GRAMD1B: variants seen among roughly 807,000 people sequenced by gnomAD.
The protein encoded by GRAMD1B is GRAM domain containing 1B.
Under a neutral mutation model 99.7 loss-of-function variants are expected in GRAMD1B, and 37 were observed. That is an observed-to-expected ratio of 0.37 (90% CI 0.29 to 0.49). The LOEUF (loss-of-function observed/expected upper bound fraction) is 0.49. Among genes scored for constraint, GRAMD1B ranks in the 20% least tolerant of loss-of-function variants. The probability of loss-of-function intolerance (pLI) is 0.98; values close to 1 mark genes in which losing one functional copy is unlikely to be tolerated. For missense variants in GRAMD1B, 888 were observed against 1,009.2 expected (o/e 0.88, Z 1.63); for synonymous variants, 427 against 387.6 (o/e 1.10, Z -1.19).
Position 123,511,264 on chromosome 11 carries a change from C to T in GRAMD1B, c.452+30371C>T, listed in dbSNP as rs540195101. On this transcript the variant is annotated intron_variant, in intron 2 of 19. Transcript: ENST00000635736. ...AGACTGCCTCTCATCCTGCAGCAGA[C>T]GTTGGCCTTGGGATTGGAGAGGAGT... Among the ~76,000 whole-genome samples the T allele has an allele frequency of 1.8e-4, 27 of 152,282 alleles. No individual in the cohort carries two copies. In the South Asian group the frequency reaches 5.4e-3, roughly 30 times the overall value.
intron 1 of GRAMD1B, among the ~76,000 whole-genome samples, chr11:123,452,480 T>C (rs1949931946): frequency 6.6e-6 from 1 of 152,070 alleles, no homozygotes; most frequent in African/African-American, 2.4e-5. Flanking sequence ...ACCCTGTCTC[T>C]ACTAAAAATA....
intron 1 of GRAMD1B, among the ~76,000 whole-genome samples, chr11:123,386,388 C>T (rs1947057997): frequency 6.6e-6 from 1 of 151,850 alleles, no homozygotes; most frequent in African/African-American, 2.4e-5. Flanking sequence ...CAATCTCTTC[C>T]ATCCCCGGAT....
chr11:123,376,271 A>G (rs1379040446), intron 1 of GRAMD1B, among the ~76,000 whole-genome samples: 2 of 152,208 alleles, frequency 1.3e-5, no homozygotes, highest in Non-Finnish European at 2.9e-5. Context: ...AGTTTTTAGC[A>G]TGGAAATAAT....
intron 1 of GRAMD1B, among the ~76,000 whole-genome samples, chr11:123,463,687 T>G (rs1225816019): frequency 6.6e-6 from 1 of 152,152 alleles, no homozygotes; most frequent in Non-Finnish European, 1.5e-5. Flanking sequence ...AATATTTGAA[T>G]GCACCAAGGG....
At chr11:123,407,445 G>A (rs1375212245) in intron 1 of GRAMD1B, among the ~76,000 whole-genome samples, 11 of 152,176 alleles carry the variant, frequency 7.2e-5, no homozygotes. Flanking sequence ...ACAGACCCAG[G>A]ACTCTCTTGT....
intron 1 of GRAMD1B, among the ~76,000 whole-genome samples, chr11:123,434,782 C>T (rs1395166599): frequency 1.3e-5 from 2 of 152,182 alleles, no homozygotes; most frequent in African/African-American, 4.8e-5. Context: ...AGCAAGACTC[C>T]ATTTCCAAAA....
At chr11:123,596,118 T>C in intron 7 of GRAMD1B, 81 bp downstream of exon 7, 1 of 777,312 alleles carries the variant, frequency 1.3e-6, no homozygotes, top group Admixed American at 2.4e-5. Context: ...TTGAATCGCA[T>C]GAATGTGGAA....
chr11:123,394,974 G>A (rs1184862844), intron 1 of GRAMD1B, among the ~76,000 whole-genome samples: 1 of 152,172 alleles, frequency 6.6e-6, no homozygotes, highest in Non-Finnish European at 1.5e-5. Context: ...CCATGGTGGG[G>A]AGCCCTCATG....
intron 1 of GRAMD1B, among the ~76,000 whole-genome samples, chr11:123,477,684 C>G (rs1040123697): frequency 7.4e-6 from 1 of 135,146 alleles, no homozygotes; most frequent in African/African-American, 2.7e-5. Flanking sequence ...CCTTCTCCTT[C>G]TCCCTTCCTT....
chr11:123,495,956 A>G (rs1939204435), intron 2 of GRAMD1B, among the ~76,000 whole-genome samples: 1 of 152,130 alleles, frequency 6.6e-6, no homozygotes, highest in Admixed American at 6.5e-5. Flanking sequence ...TGATTGGTTC[A>G]TCATTTAGTC....
At chr11:123,373,295 G>A (rs543961306) in intron 1 of GRAMD1B, among the ~76,000 whole-genome samples, 2 of 152,300 alleles carry the variant, frequency 1.3e-5, no homozygotes, top group African/African-American at 4.8e-5. Flanking sequence ...TGGGGGTGTA[G>A]ATGAGATTTA....
intron 2 of GRAMD1B, among the ~76,000 whole-genome samples, chr11:123,554,880 A>G (rs1238008016): frequency 6.6e-6 from 1 of 152,254 alleles, no homozygotes; most frequent in Admixed American, 6.5e-5. Flanking sequence ...CACTTCCTCC[A>G]AACCCAAGGC....
chr11:123,547,335 C>T (rs1451312519), intron 2 of GRAMD1B, among the ~76,000 whole-genome samples: 4 of 152,214 alleles, frequency 2.6e-5, no homozygotes, highest in Non-Finnish European at 4.4e-5. Context: ...CTCACTCCTC[C>T]TCTGGGGCTT....
intron 2 of GRAMD1B, among the ~76,000 whole-genome samples, chr11:123,543,585 G>C (rs941972042): frequency 3.9e-5 from 6 of 152,228 alleles, no homozygotes; most frequent in Non-Finnish European, 5.9e-5. Flanking sequence ...GGATATGAAT[G>C]CTGAGGAAAC....
At position 123,626,518 on chromosome 11, in the gene GRAMD1B, C is replaced by T. The variant is rs1028931882; in HGVS notation, c.*3923C>T. On this transcript the variant is annotated 3_prime_UTR_variant, in exon 20 of 20. Transcript: ENST00000635736. ...TGTCATACCATGCCACTTCTTTAAG[C>T]TCTTCAGGGCAGCCAAAGCCAGCCC... 2 of 152,150 alleles carry T rather than the reference C, an allele frequency of 1.3e-5. No individual in the cohort carries two copies. Among genetic ancestry groups the T allele is most frequent in the African/African-American group, 4.8e-5 (2 of 41,420 alleles). The allele number at this position is 152,150 out of a possible 1,614,324, so 9.4% of individuals were successfully genotyped here.
chr11:123,522,315 A>ATTTTCTTTTTC (rs892234683), intron 2 of GRAMD1B, among the ~76,000 whole-genome samples: 7 of 151,522 alleles, frequency 4.6e-5, no homozygotes, highest in African/African-American at 1.7e-4. Flanking sequence ...ACCTTTTGAG[A>ATTTTCTTTTTC]TTTTCTTTTT....
chr11:123,440,776 T>C (rs2134261387), intron 1 of GRAMD1B, among the ~76,000 whole-genome samples: 1 of 152,250 alleles, frequency 6.6e-6, no homozygotes, highest in South Asian at 2.1e-4. Flanking sequence ...CTATTCCTGG[T>C]GGAAAGCAAA....
chr11:123,569,429 C>A (rs550311273), intron 2 of GRAMD1B, among the ~76,000 whole-genome samples: 1 of 152,280 alleles, frequency 6.6e-6, no homozygotes, highest in African/African-American at 2.4e-5. Flanking sequence ...GTCTGCCCTT[C>A]CCACCTGCCG....
At chr11:123,430,260 C>G (rs895708098), upstream of GRAMD1B, 2 of 143,488 alleles carry the variant, frequency 1.4e-5, no homozygotes, top group African/African-American at 5.2e-5. Context: ...TGTCTCGCTT[C>G]CTCTCTCTCT....
Sources: gnomAD v4.1 joint callset for allele counts (sites outside exome capture counted in the v4.1 genomes callset) on GRCh38, gnomAD v4.1.1 for gene constraint, MANE v1.5 for transcripts, NCBI Gene and HGNC (gene_info 2026-07-23, HGNC 2026-07-21) for gene names.